Variants in CTNNA2 observed in about 807,000 individuals in gnomAD.
CTNNA2 encodes catenin alpha-2.
A neutral mutation model predicts 101.0 loss-of-function variants in CTNNA2; 42 were observed. That is an observed-to-expected ratio of 0.42 (90% CI 0.32 to 0.54). The LOEUF is 0.54. Ranked by LOEUF, CTNNA2 falls within the 20% of genes least tolerant of loss-of-function variation. CTNNA2 has a pLI of 0.14. For synonymous variants in CTNNA2, 450 were observed against 456.4 expected (o/e 0.99, Z 0.18); for missense variants, 871 against 1,223.1 (o/e 0.71, Z 4.29).
At chr2:79,864,812 C>T (rs1681903642) in intron 4 of CTNNA2, among the ~76,000 whole-genome samples, 1 of 152,316 alleles carries the variant, frequency 6.6e-6, no homozygotes, top group Admixed American at 6.5e-5. Flanking sequence ...CAAATCCAGG[C>T]TCCTACACTT....
At chr2:79,915,919 G>C (rs1322968591) in intron 7 of CTNNA2, among the ~76,000 whole-genome samples, 1 of 152,150 alleles carries the variant, frequency 6.6e-6, no homozygotes. Flanking sequence ...CTTCCGAAGG[G>C]ACTGTCATCA....
intron 1 of CTNNA2, among the ~76,000 whole-genome samples, chr2:79,557,474 A>G (rs1001041962): frequency 4.9e-4 from 74 of 151,940 alleles, no homozygotes; most frequent in African/African-American, 1.8e-3. Flanking sequence ...CTTAGTTAAA[A>G]AAAAAATGAC....
intron 9 of CTNNA2, among the ~76,000 whole-genome samples, chr2:80,479,983 T>G (rs992552802): frequency 6.6e-6 from 1 of 152,142 alleles, no homozygotes; most frequent in Non-Finnish European, 1.5e-5. Flanking sequence ...CTAGACTTAT[T>G]TTACTAACCC....
At chr2:79,254,038 C>T (rs189372511) in intron 2 of CTNNA2, among the ~76,000 whole-genome samples, 6 of 152,232 alleles carry the variant, frequency 3.9e-5, no homozygotes, top group East Asian at 1.9e-4. Flanking sequence ...CAGATGGAAC[C>T]GTCTCCCACG....
rs570074725 is a variant in CTNNA2 at position 79,754,954 on chromosome 2, C to T, written c.298+10372C>T. ...TCCTAGGTAAGAGAAGGGAAGATAA[C>T]TCATGTATCTTCCCTCTACGGATCT... On this transcript the variant is annotated intron_variant, in intron 3 of 18. Transcript: ENST00000402739. Among the ~76,000 whole-genome samples the T allele has an allele frequency of 3.1e-4, 47 of 152,180 alleles. No individual in the cohort carries two copies. In the South Asian group the frequency reaches 9.3e-3, roughly 30 times the overall value.
chr2:80,285,312 CTCTT>C (rs1354770502), intron 7 of CTNNA2, among the ~76,000 whole-genome samples: 1 of 152,136 alleles, frequency 6.6e-6, no homozygotes, highest in African/African-American at 2.4e-5. Context: ...AGATTCTGCC[CTCTT>C]TCTTCAGCAG....
chr2:79,827,931 T>C (rs1279228321), intron 3 of CTNNA2, among the ~76,000 whole-genome samples: 1 of 152,214 alleles, frequency 6.6e-6, no homozygotes, highest in Non-Finnish European at 1.5e-5. Context: ...GAAAACCAAA[T>C]TGTTTTTATA....
chr2:80,060,588 C>T (rs1697518400), intron 7 of CTNNA2, among the ~76,000 whole-genome samples: 2 of 152,186 alleles, frequency 1.3e-5, no homozygotes, highest in Non-Finnish European at 2.9e-5. Context: ...AATCTTCTCC[C>T]TCTGCTATGA....
intron 7 of CTNNA2, among the ~76,000 whole-genome samples, chr2:80,168,388 A>G (rs1704831816): frequency 6.6e-6 from 1 of 152,168 alleles, no homozygotes; most frequent in Admixed American, 6.5e-5. Flanking sequence ...AAATAAAATA[A>G]TTCCATCCCC....
At chr2:79,241,220 C>T (rs908498923) in intron 2 of CTNNA2, among the ~76,000 whole-genome samples, 12 of 152,074 alleles carry the variant, frequency 7.9e-5, no homozygotes, top group African/African-American at 2.9e-4. Context: ...TTTTTATAAA[C>T]AAGTGCATTT....
intron 7 of CTNNA2, among the ~76,000 whole-genome samples, chr2:80,243,531 CT>C (rs968520139): frequency 6.6e-6 from 1 of 152,064 alleles, no homozygotes; most frequent in African/African-American, 2.4e-5. Context: ...AATATGCACT[CT>C]TTTTGTTTTA....
intron 7 of CTNNA2, among the ~76,000 whole-genome samples, chr2:80,087,968 A>G (rs549889275): frequency 6.6e-6 from 1 of 152,158 alleles, no homozygotes; most frequent in South Asian, 2.1e-4. Context: ...AATGGGCTGA[A>G]TCACGTATTA....
intron 7 of CTNNA2, among the ~76,000 whole-genome samples, chr2:80,319,036 A>G (rs561189292): frequency 3.9e-5 from 6 of 152,320 alleles, no homozygotes; most frequent in African/African-American, 1.4e-4. Flanking sequence ...TATCAAATAA[A>G]GATTCTCACC....
intron 4 of CTNNA2, among the ~76,000 whole-genome samples, chr2:79,869,156 G>A (rs914269676): frequency 3.9e-5 from 6 of 152,176 alleles, no homozygotes; most frequent in Admixed American, 2.0e-4. Context: ...AGTTTGCAGC[G>A]ATTTGGAAGC....
intron 7 of CTNNA2, among the ~76,000 whole-genome samples, chr2:80,129,420 G>A (rs1475343477): frequency 6.6e-6 from 1 of 152,200 alleles, no homozygotes; most frequent in Non-Finnish European, 1.5e-5. Context: ...TGCAGGGAGA[G>A]ATGAGTAAGA....
At chr2:79,711,199 T>C (rs1685715666) in intron 2 of CTNNA2, among the ~76,000 whole-genome samples, 1 of 152,210 alleles carries the variant, frequency 6.6e-6, no homozygotes, top group South Asian at 2.1e-4. Flanking sequence ...TCTCAACTGA[T>C]ATTATTTGAT....
intron 4 of CTNNA2, among the ~76,000 whole-genome samples, chr2:79,440,720 AGTGAAT>A (rs1678768736): frequency 6.6e-6 from 1 of 152,122 alleles, no homozygotes; most frequent in Non-Finnish European, 1.5e-5. Context: ...TAGTCTGAAG[AGTGAAT>A]GTGCTCCCCT....
At chr2:80,141,829 G>C (rs1321403915) in intron 7 of CTNNA2, among the ~76,000 whole-genome samples, 1 of 150,754 alleles carries the variant, frequency 6.6e-6, no homozygotes, top group Non-Finnish European at 1.5e-5. Context: ...TGGGATGTTT[G>C]GTTCCCTACA....
intron 1 of CTNNA2, among the ~76,000 whole-genome samples, chr2:79,591,143 T>A (rs1676819699): frequency 6.6e-6 from 1 of 152,212 alleles, no homozygotes; most frequent in Non-Finnish European, 1.5e-5. Flanking sequence ...AAGAAGCAAA[T>A]TACTATAAAT....
Sources: allele counts gnomAD v4.1 joint callset (sites outside exome capture counted in the v4.1 genomes callset), GRCh38; gene constraint gnomAD v4.1.1; transcripts MANE v1.5; gene names NCBI Gene and HGNC (gene_info 2026-07-23, HGNC 2026-07-21).